DOCK3: variants seen among roughly 807,000 people sequenced by gnomAD.
DOCK3 encodes the protein dedicator of cytokinesis protein 3.
DOCK3 carries 60 observed loss-of-function variants against 265.6 expected under a neutral mutation model. The ratio of observed to expected loss-of-function variants is 0.23; its 90% CI spans 0.18 to 0.28. The LOEUF (loss-of-function observed/expected upper bound fraction) is 0.28, where lower values mean the gene tolerates loss of function less well. Ranked by LOEUF, DOCK3 falls within the 10% of genes least tolerant of loss-of-function variation. DOCK3 has a pLI of 1.00. For synonymous variants in DOCK3, 881 were observed against 938.0 expected, an observed-to-expected ratio of 0.94 and a Z score of 1.11; for missense variants, 1,981 against 2,594.3, an observed-to-expected ratio of 0.76 and a Z score of 5.14.
rs1381001098 is a variant in DOCK3, at chr3:51,275,210, G to C, written c.2676+4G>C. The stretch of plus-strand genomic sequence containing the variant: ...CATCGTCAAGACCAGCTCTCTGGTA[G>C]TGGCCCCACACCCACTCCACCCTGT... On this transcript the variant is annotated splice_donor_region_variant and intron_variant, in intron 25 of 52. Transcript: ENST00000266037. The C allele has an allele frequency of 1.2e-6, 2 of 1,613,822 alleles. No homozygotes were observed. The highest frequency in any genetic ancestry group is 1.7e-6 in the Non-Finnish European group (2 of 1,179,868).
chr3:51,189,085 C>T (rs28850069), intron 12 of DOCK3, among the ~76,000 whole-genome samples: 1 of 152,156 alleles, frequency 6.6e-6, no homozygotes, highest in Admixed American at 6.5e-5. Flanking sequence ...TCCCTTTTCT[C>T]TGCATCCATG....
intron 1 of DOCK3, among the ~76,000 whole-genome samples, chr3:50,683,598 A>T (rs2034563830): frequency 6.6e-6 from 1 of 152,294 alleles, no homozygotes; most frequent in Non-Finnish European, 1.5e-5. Context: ...TGGGGTTAGG[A>T]TGGGCTCCTT....
At chr3:51,224,250 A>G (rs1255813086) in intron 14 of DOCK3, among the ~76,000 whole-genome samples, 1 of 152,220 alleles carries the variant, frequency 6.6e-6, no homozygotes, top group Non-Finnish European at 1.5e-5. Flanking sequence ...CAGTATTTTG[A>G]GAACCTTCAT....
chr3:50,951,329 T>A (rs934654167), intron 5 of DOCK3, among the ~76,000 whole-genome samples: 1 of 152,202 alleles, frequency 6.6e-6, no homozygotes, highest in African/African-American at 2.4e-5. Flanking sequence ...CCTCAAACCT[T>A]GTCTCCAGCC....
rs188239302 is a variant in DOCK3, at chr3:50,799,394, C to T, written c.121+20636C>T. Among the ~76,000 whole-genome samples the T allele has an allele frequency of 1.3e-3, 202 of 152,204 alleles. 1 individual carries two copies. The highest frequency in any genetic ancestry group is 4.6e-3 in the South Asian group (22 of 4,814). On this transcript the variant is annotated intron_variant, in intron 2 of 52. Coordinates refer to ENST00000266037, the MANE Select transcript of DOCK3 (RefSeq NM_004947.5). ...TTGGGTCCTCTTCGATTTCTTTTATCAGTGTTTTGTAGTTTTCCTTGTAGA... is the reference window on the plus strand; with the variant it reads ...TTGGGTCCTCTTCGATTTCTTTTATTAGTGTTTTGTAGTTTTCCTTGTAGA...
At chr3:51,365,611 T>C (rs1038212752) in intron 49 of DOCK3, among the ~76,000 whole-genome samples, 2 of 152,226 alleles carry the variant, frequency 1.3e-5, no homozygotes, top group Non-Finnish European at 2.9e-5. Flanking sequence ...CAGTATGATA[T>C]TGGCTGTGGG....
chr3:51,184,732 A>C (rs1036313726), intron 12 of DOCK3, among the ~76,000 whole-genome samples: 1 of 152,050 alleles, frequency 6.6e-6, no homozygotes, highest in Non-Finnish European at 1.5e-5. Context: ...ATAATTCCCC[A>C]CTCCTTAAGT....
At chr3:51,288,878 TTGTGTGGGTGTGTGTGTG>T (rs529878908) in intron 27 of DOCK3, among the ~76,000 whole-genome samples, 15 of 149,388 alleles carry the variant, frequency 1.0e-4, no homozygotes, top group South Asian at 2.1e-4. Flanking sequence ...AGAGGGGTGT[TTGTGTGGGTGTGTGTGTG>T]TGTGTGGGTG....
chr3:51,001,454 A>G (rs541481557), intron 5 of DOCK3, among the ~76,000 whole-genome samples: 1 of 152,282 alleles, frequency 6.6e-6, no homozygotes, highest in Non-Finnish European at 1.5e-5. Context: ...GTTGGACTGG[A>G]ACTACATCAT....
intron 22 of DOCK3, among the ~76,000 whole-genome samples, chr3:51,250,125 A>C (rs1307289227): frequency 6.6e-5 from 10 of 151,890 alleles, no homozygotes; most frequent in Non-Finnish European, 1.3e-4. Flanking sequence ...ACCCAGGGAC[A>C]CAAATGCTGC....
intron 5 of DOCK3, among the ~76,000 whole-genome samples, chr3:51,054,121 T>TTA (rs1491422433): frequency 1.2e-4 from 10 of 85,012 alleles, no homozygotes; most frequent in African/African-American, 3.9e-4. Flanking sequence ...CGTAGCTTCC[T>TTA]AAAAAAAAAA....
At chr3:51,041,162 G>GTATATATATATATA (rs1167854334) in intron 5 of DOCK3, among the ~76,000 whole-genome samples, 6 of 30,880 alleles carry the variant, frequency 1.9e-4, no homozygotes, top group South Asian at 3.1e-3. Flanking sequence ...CTTACAAAAT[G>GTATATATATATATA]TATATATATA....
intron 5 of DOCK3, among the ~76,000 whole-genome samples, chr3:51,041,463 C>T (rs1046351871): frequency 1.3e-5 from 2 of 151,576 alleles, no homozygotes; most frequent in South Asian, 2.1e-4. Context: ...ATGATTTGCC[C>T]GCCTCAGCTT....
intron 9 of DOCK3, among the ~76,000 whole-genome samples, chr3:51,141,425 A>G (rs1052068164): frequency 2.0e-5 from 3 of 151,752 alleles, no homozygotes; most frequent in African/African-American, 7.3e-5. Flanking sequence ...GTATACCTAT[A>G]TTTTCTACTA....
At chr3:51,038,273 C>T (rs1215312920) in intron 5 of DOCK3, among the ~76,000 whole-genome samples, 1 of 151,930 alleles carries the variant, frequency 6.6e-6, no homozygotes, top group South Asian at 2.1e-4. Flanking sequence ...AGGATCTAGG[C>T]AAGAGATAAC....
intron 1 of DOCK3, among the ~76,000 whole-genome samples, chr3:50,773,945 A>G (rs112600847): frequency 6.6e-6 from 1 of 152,204 alleles, no homozygotes; most frequent in African/African-American, 2.4e-5. Context: ...AAAAATTTGA[A>G]AAGTTTTTGT....
At chr3:50,782,082 A>G (rs2041943264) in intron 2 of DOCK3, among the ~76,000 whole-genome samples, 3 of 152,146 alleles carry the variant, frequency 2.0e-5, no homozygotes, top group Non-Finnish European at 2.9e-5. Flanking sequence ...GCTGCAGTGA[A>G]CATACACATG....
In DOCK3 at chr3:51,099,391, T is replaced by G. The variant is rs117395280; in HGVS notation, c.746+9007T>G. Among the ~76,000 whole-genome samples the G allele has an allele frequency of 7.1e-4, 108 of 152,338 alleles. 1 individual carries two copies. The highest frequency in any genetic ancestry group is 6.4e-3 in the East Asian group (33 of 5,186). On this transcript the variant is annotated intron_variant, in intron 9 of 52. Transcript: ENST00000266037. ...TCTAACTGTTAGGCTGTGGAAAATT[T>G]TTAATGTATCATCCTACAGAGTCTG... is the stretch of plus-strand genomic sequence containing the variant.
intron 3 of DOCK3, among the ~76,000 whole-genome samples, chr3:50,889,392 T>C (rs2048529410): frequency 6.6e-6 from 1 of 151,886 alleles, no homozygotes; most frequent in South Asian, 2.1e-4. Flanking sequence ...AAGCCATTCA[T>C]GTTTTATTTA....
Sources: allele counts gnomAD v4.1 joint callset (sites outside exome capture counted in the v4.1 genomes callset), GRCh38; gene constraint gnomAD v4.1.1; transcripts MANE v1.5; gene names NCBI Gene and HGNC (gene_info 2026-07-23, HGNC 2026-07-21).